The following AGA variants were observed in gnomAD, a reference collection of about 807,000 sequenced individuals.
AGA encodes N(4)-(beta-N-acetylglucosaminyl)-L-asparaginase.
AGA carries 31 observed loss-of-function variants against 40.1 expected under a neutral mutation model. The observed-to-expected ratio is 0.77, with a 90% CI of 0.58 to 1.04. AGA has a LOEUF of 1.04. Among genes scored for constraint, AGA ranks in the 50% least tolerant of loss-of-function variants. AGA has a pLI of 0.00. For missense variants in AGA, 445 were observed against 435.4 expected, an observed-to-expected ratio of 1.02 and a Z score of -0.20; for synonymous variants, 148 against 144.0, an observed-to-expected ratio of 1.03 and a Z score of -0.20.
At chr4:177,432,516 A>T (rs977219428) in intron 8 of AGA, among the ~76,000 whole-genome samples, 4 of 152,198 alleles carry the variant, frequency 2.6e-5, no homozygotes, top group Non-Finnish European at 5.9e-5. Flanking sequence ...CTTAAAAAAG[A>T]ATAAAGCATT....
rs386833427 is a variant in AGA at position 177,438,848 on chromosome 4, A to G, written c.404T>C (p.Phe135Ser). The stretch of plus-strand genomic sequence containing the variant: ...ATTGATAAACCCCATACTTTGAGCA[A>G]ATGTGGTGGCTGGAGATTGGAAAAA... ...TLLVGESATT[F>S]AQSMGFINED... Residue 135 changes from phenylalanine (F) to serine (S), a missense_variant, in exon 4 of 9, where the codon TTT (phenylalanine) becomes TCT (serine). Phe to Ser is a radical substitution (Grantham distance 155). Transcript: ENST00000264595. The G allele has an allele frequency of 4.4e-6, 7 of 1,577,432 alleles. No homozygotes were observed. Among genetic ancestry groups the G allele is most frequent in the Non-Finnish European group, 6.1e-6 (7 of 1,146,472 alleles).
At chr4:177,434,540 T>G in intron 6 of AGA, 51 bp from the exon 7 acceptor site, 1 of 1,452,186 alleles carries the variant, frequency 6.9e-7, no homozygotes, top group Non-Finnish European at 9.7e-7. Context: ...GTAAAACACA[T>G]TAAGTCATAA....
chr4:177,439,503 G>T (rs1736923480), intron 3 of AGA, 73 bp downstream of exon 3: 1 of 1,108,344 alleles, frequency 9.0e-7, no homozygotes, highest in Non-Finnish European at 1.4e-6. Context: ...TTTTATCCAT[G>T]ATTTTGTACT....
chr4:177,431,893 A>T, intron 8 of AGA, 85 bp from the exon 9 acceptor site: 1 of 1,041,736 alleles, frequency 9.6e-7, no homozygotes, highest in East Asian at 2.6e-5. Context: ...ATTTGACTAG[A>T]CACTGGCTAC....
intron 7 of AGA, 28 bp downstream of exon 7, chr4:177,434,354 C>G (rs1236778062): frequency 6.2e-7 from 1 of 1,600,978 alleles, no homozygotes; most frequent in African/African-American, 1.3e-5. Context: ...CCAAAGGTCT[C>G]TAAAATTCAC....
intron 1 of AGA, 133 bp downstream of exon 1, chr4:177,442,116 G>T: frequency 7.5e-7 from 1 of 1,334,616 alleles, no homozygotes; most frequent in Non-Finnish European, 1.0e-6. Context: ...GACCTAGAGG[G>T]CGGGACCGCG....
intron 6 of AGA, among the ~76,000 whole-genome samples, chr4:177,435,871 ACACCC>A (rs1031021329): frequency 8.8e-6 from 1 of 114,140 alleles, no homozygotes; most frequent in African/African-American, 3.1e-5. Context: ...ACACACACAC[ACACCC>A]CTTCTTTCCA....
intron 8 of AGA, among the ~76,000 whole-genome samples, chr4:177,432,928 A>G (rs1405809047): frequency 6.6e-6 from 1 of 152,210 alleles, no homozygotes. Context: ...AGCCTATGTC[A>G]ACGTGTACTG....
chr4:177,441,433 C>T (rs1396512685), intron 1 of AGA, among the ~76,000 whole-genome samples: 1 of 152,028 alleles, frequency 6.6e-6, no homozygotes, highest in East Asian at 1.9e-4. Context: ...GGTCATTAAG[C>T]AAATGAAAGA....
At chr4:177,435,195 G>C (rs140773349) in intron 6 of AGA, among the ~76,000 whole-genome samples, 1 of 152,056 alleles carries the variant, frequency 6.6e-6, no homozygotes, top group Non-Finnish European at 1.5e-5. Context: ...ACAGGCGTGA[G>C]CCACTGCACC....
Position 177,440,343 on chromosome 4 carries a change from C to T in AGA, c.211G>A (p.Gly71Ser), listed in dbSNP as rs1736955253. 8 of 1,613,974 alleles carry T rather than the reference C, an allele frequency of 5.0e-6. No homozygotes were observed. The highest frequency in any genetic ancestry group is 1.3e-5 in the African/African-American group (1 of 74,976). The part of the protein sequence containing the change: ...CAMCEREQCD[G>S]SVGFGGSPDE... ...GGACTTCCTCCAAAGCCTACAGAGCCGTCACACTGCTCTCTCTCACACATG... is the reference window on the plus strand; with the variant it reads ...GGACTTCCTCCAAAGCCTACAGAGCTGTCACACTGCTCTCTCTCACACATG... Residue 71 changes from glycine (G) to serine (S), a missense_variant, in exon 2 of 9, where the codon GGC becomes AGC. By Grantham distance (56) the Gly-to-Ser change is moderately conservative (BLOSUM62 0). Transcript: ENST00000264595.
In AGA at chr4:177,442,377, C is replaced by A. The variant is rs775687506; in HGVS notation, c.-2G>T. ...AGGCAAGTTCGACTTCCGCGCCATC[C>A]CTGACCACCGAAGAGACCAGCGCGA... On this transcript the variant is annotated 5_prime_UTR_variant, in exon 1 of 9. Transcript: ENST00000264595. The A allele has an allele frequency of 6.2e-7, 1 of 1,614,006 alleles. No individual in the cohort carries two copies. The highest frequency in any genetic ancestry group is 1.1e-5 in the South Asian group (1 of 91,084).
At chr4:177,434,787 C>T (rs1174002009) in intron 6 of AGA, among the ~76,000 whole-genome samples, 6 of 152,028 alleles carry the variant, frequency 3.9e-5, no homozygotes, top group Admixed American at 1.3e-4. Flanking sequence ...TGGCGAGATG[C>T]GGGTCAAAGG....
chr4:177,433,070 C>T, intron 8 of AGA, 144 bp downstream of exon 8: 2 of 1,148,452 alleles, frequency 1.7e-6, no homozygotes, highest in Non-Finnish European at 2.5e-6. Context: ...GTCTTGAGAT[C>T]ATCAATGAAC....
At chr4:177,433,398 C>A (rs1350896461) in intron 7 of AGA, 51 bp from the exon 8 acceptor site, 15 of 1,610,116 alleles carry the variant, frequency 9.3e-6, no homozygotes, top group Non-Finnish European at 1.1e-5. Flanking sequence ...ATACTAACTC[C>A]AAATTGGGTT....
chr4:177,432,062 A>G (rs548458346), intron 8 of AGA, among the ~76,000 whole-genome samples: 14 of 152,304 alleles, frequency 9.2e-5, no homozygotes, highest in African/African-American at 3.4e-4. Context: ...ATCTATACAC[A>G]TGCTGTCACT....
intron 6 of AGA, 82 bp from the exon 7 acceptor site, chr4:177,434,571 G>T: frequency 9.0e-7 from 1 of 1,114,760 alleles, no homozygotes; most frequent in African/African-American, 1.5e-5. Context: ...ATAAGGGATA[G>T]TTCCACTTAG....
rs777972773 is a variant in AGA, at chr4:177,442,361, C to G, written c.15G>C (p.Ser5=). The G allele has an allele frequency of 1.9e-6, 3 of 1,614,076 alleles. No individual in the cohort carries two copies. Among genetic ancestry groups the G allele is most frequent in the Admixed American group, 3.3e-5 (2 of 60,030 alleles). The change falls in exon 1 of 9, where the codon TCG becomes TCC. Residue 5 remains serine (S), a synonymous_variant. Coordinates refer to ENST00000264595, the MANE Select transcript of AGA (RefSeq NM_000027.4). MARK[S]NLPVLLVPFL... is the part of the protein sequence containing the mutation. ...ACGGCACGAGAAGCACAGGCAAGTTCGACTTCCGCGCCATCCCTGACCACC... is the reference window on the plus strand; with the variant it reads ...ACGGCACGAGAAGCACAGGCAAGTTGGACTTCCGCGCCATCCCTGACCACC...
intron 6 of AGA, 66 bp from the exon 7 acceptor site, chr4:177,434,555 T>C (rs1736746087): frequency 7.5e-7 from 1 of 1,340,852 alleles, no homozygotes. Context: ...TCATAAGCTG[T>C]TCCAAATAAG....
Sources: gnomAD v4.1 joint callset for allele counts (sites outside exome capture counted in the v4.1 genomes callset) on GRCh38, gnomAD v4.1.1 for gene constraint, MANE v1.5 for transcripts, NCBI Gene and HGNC (gene_info 2026-07-23, HGNC 2026-07-21) for gene names.